PAK5: variants seen among roughly 807,000 people sequenced by gnomAD.
PAK5 encodes serine/threonine-protein kinase PAK 5.
Under a neutral mutation model 65.9 loss-of-function variants are expected in PAK5, and 16 were observed. The ratio of observed to expected loss-of-function variants is 0.24; its 90% CI spans 0.16 to 0.37. The LOEUF is 0.37. PAK5 is among the 10% of genes least tolerant of loss of function. The probability of loss-of-function intolerance (pLI) is 1.00; values close to 1 mark genes in which losing one functional copy is unlikely to be tolerated. For synonymous variants in PAK5, 371 were observed against 354.9 expected (o/e 1.05, Z -0.51); for missense variants, 785 against 903.9 (o/e 0.87, Z 1.69).
intron 1 of PAK5, among the ~76,000 whole-genome samples, chr20:9,773,079 G>C (rs1209546273): frequency 6.6e-6 from 1 of 152,160 alleles, no homozygotes; most frequent in Non-Finnish European, 1.5e-5. Context: ...GAATTCAACA[G>C]GGTGTAGAAG....
intron 1 of PAK5, among the ~76,000 whole-genome samples, chr20:9,822,290 C>CA (rs34256527): frequency 0.081 from 9,451 of 116,528 alleles, 525 homozygotes; most frequent in African/African-American, 0.18. Flanking sequence ...AGATCTGTCT[C>CA]AAAAAAAAAA....
chr20:9,776,567 C>T (rs2048889155), intron 1 of PAK5, among the ~76,000 whole-genome samples: 2 of 152,136 alleles, frequency 1.3e-5, no homozygotes, highest in Non-Finnish European at 2.9e-5. Context: ...AGTGGTATAT[C>T]ATTTCTAGGA....
chr20:9,796,985 A>G (rs2049111878), intron 1 of PAK5, among the ~76,000 whole-genome samples: 1 of 151,938 alleles, frequency 6.6e-6, no homozygotes, highest in African/African-American at 2.4e-5. Context: ...ACAATGGTTG[A>G]ACTAGTTTAC....
intron 1 of PAK5, among the ~76,000 whole-genome samples, chr20:9,759,469 A>G (rs73600262): frequency 0.19 from 28,517 of 152,056 alleles, 3,055 homozygotes; most frequent in East Asian, 0.28. Context: ...TAAAATTGTG[A>G]TATTTCACAG....
intron 1 of PAK5, among the ~76,000 whole-genome samples, chr20:9,766,388 G>GAATA (rs1569079095): frequency 8.5e-5 from 4 of 47,308 alleles, no homozygotes; most frequent in African/African-American, 4.4e-4. Flanking sequence ...GAATATATAT[G>GAATA]TATATATATA....
At chr20:9,754,630 T>A (rs1222448842) in intron 1 of PAK5, among the ~76,000 whole-genome samples, 4 of 152,168 alleles carry the variant, frequency 2.6e-5, no homozygotes, top group Non-Finnish European at 5.9e-5. Flanking sequence ...TAATTTCTAA[T>A]CTTGTCGTTA....
At chr20:9,677,467 G>A (rs1569035311) in intron 2 of PAK5, among the ~76,000 whole-genome samples, 4 of 152,134 alleles carry the variant, frequency 2.6e-5, no homozygotes. Flanking sequence ...GGTGGCCTTA[G>A]ACATGAAACC....
chr20:9,802,893 C>T (rs184256842), intron 1 of PAK5, among the ~76,000 whole-genome samples: 381 of 18,598 alleles, frequency 0.02, no homozygotes, highest in Middle Eastern at 0.068. Flanking sequence ...CCCTTCTGTA[C>T]TATTGTATAT....
intron 3 of PAK5, 55 bp from the exon 4 acceptor site, chr20:9,580,985 G>T: frequency 1.5e-6 from 2 of 1,325,578 alleles, no homozygotes; most frequent in South Asian, 1.4e-5. Context: ...GATTTAAATT[G>T]ATGGTGGCAT....
At chr20:9,649,607 G>C (rs566775149) in intron 2 of PAK5, among the ~76,000 whole-genome samples, 1 of 152,298 alleles carries the variant, frequency 6.6e-6, no homozygotes, top group African/African-American at 2.4e-5. Context: ...TAGTCTAAAA[G>C]CTCCAACATG....
rs141069500 is a variant in PAK5 at position 9,615,509 on chromosome 20, A to G, written c.204+28616T>C. Reference sequence around the variant, plus strand: ...TAAAAAGCAAAGTCTATTAAAGAAAATTCACAATAACCTAAAACAGATGTA... The same window carrying G: ...TAAAAAGCAAAGTCTATTAAAGAAAGTTCACAATAACCTAAAACAGATGTA... On this transcript the variant is annotated intron_variant, in intron 3 of 9. Transcript: ENST00000353224. 8.6e-3 allele frequency among the ~76,000 whole-genome samples: 1,316 copies of G among 152,316 alleles called. 7 individuals are homozygous for G. Among genetic ancestry groups the G allele is most frequent in the Non-Finnish European group, 0.014 (981 of 68,020 alleles).
chr20:9,827,071 C>T (rs950386375), intron 1 of PAK5, among the ~76,000 whole-genome samples: 2 of 152,102 alleles, frequency 1.3e-5, no homozygotes, highest in Non-Finnish European at 2.9e-5. Flanking sequence ...CAACCAGAAA[C>T]AGGTAGAGGG....
intron 2 of PAK5, among the ~76,000 whole-genome samples, chr20:9,686,462 C>T (rs541794599): frequency 6.6e-6 from 1 of 152,276 alleles, no homozygotes; most frequent in South Asian, 2.1e-4. Flanking sequence ...GTAGCATGCT[C>T]ATAGCTCACT....
At chr20:9,745,223 C>A (rs768667288) in intron 1 of PAK5, among the ~76,000 whole-genome samples, 1 of 151,966 alleles carries the variant, frequency 6.6e-6, no homozygotes, top group South Asian at 2.1e-4. Context: ...TTATTTCTTA[C>A]TAAATTGCCA....
chr20:9,542,624 G>T lies in PAK5; in HGVS notation c.1966C>A (p.Arg656=). The stretch of plus-strand genomic sequence containing the variant: ...TTCACTCTTGGAGGTAAACTGTCCC[G>T]GATCCTCCGCATCGCCTGGAGGGGA... ...EPPLQAMRRI[R]DSLPPRVKDL... Residue 656 remains arginine, a synonymous_variant, in exon 9 of 10, where the codon CGG becomes AGG. Coordinates refer to ENST00000353224, the MANE Select transcript of PAK5 (RefSeq NM_177990.4). 6.2e-7 allele frequency: 1 copy of T among 1,613,912 alleles called. No homozygotes were observed. The highest frequency in any genetic ancestry group is 8.5e-7 in the Non-Finnish European group (1 of 1,179,858).
chr20:9,582,008 TA>T lies in PAK5; in HGVS notation c.205-1079del, dbSNP rs557429826. Among the ~76,000 whole-genome samples, 548 of 152,346 alleles carry T rather than the reference TA, an allele frequency of 3.6e-3. 8 individuals are homozygous for T. Among genetic ancestry groups the T allele is most frequent in the Middle Eastern group, 0.017 (5 of 294 alleles). On this transcript the variant is annotated intron_variant, in intron 3 of 9. Coordinates refer to ENST00000353224, the MANE Select transcript of PAK5 (RefSeq NM_177990.4). ...TCTATCCATGGTGAAACAAAGGGTT[TA>T]TTTTTTTTCTTTCCAAGAGTCCTGG...
intron 2 of PAK5, among the ~76,000 whole-genome samples, chr20:9,661,705 G>A (rs1240883055): frequency 1.3e-5 from 2 of 152,000 alleles, no homozygotes; most frequent in Non-Finnish European, 2.9e-5. Context: ...TTGGAAGAGG[G>A]GTCTTCATTC....
intron 7 of PAK5, among the ~76,000 whole-genome samples, chr20:9,548,851 A>G (rs375978805): frequency 5.9e-5 from 9 of 152,158 alleles, no homozygotes; most frequent in African/African-American, 1.7e-4. Context: ...TTCCTTGTTC[A>G]TGATATTCTC....
At chr20:9,813,139 A>G (rs1254144728) in intron 1 of PAK5, among the ~76,000 whole-genome samples, 2 of 152,192 alleles carry the variant, frequency 1.3e-5, no homozygotes, top group African/African-American at 4.8e-5. Flanking sequence ...AGAGTACCTT[A>G]TGTATGATTT....
Sources: gnomAD v4.1 joint callset for allele counts (sites outside exome capture counted in the v4.1 genomes callset) on GRCh38, gnomAD v4.1.1 for gene constraint, MANE v1.5 for transcripts, NCBI Gene and HGNC (gene_info 2026-07-23, HGNC 2026-07-21) for gene names.